The following NFIB variants were observed in gnomAD, a reference collection of about 807,000 sequenced individuals.
The protein encoded by NFIB is nuclear factor I B.
NFIB carries 11 observed loss-of-function variants against 61.5 expected under a neutral mutation model. The ratio of observed to expected loss-of-function variants is 0.18; its 90% CI spans 0.11 to 0.30. The LOEUF (loss-of-function observed/expected upper bound fraction) is 0.30, where lower values mean the gene tolerates loss of function less well. Ranked by LOEUF, NFIB falls within the 10% of genes least tolerant of loss-of-function variation. The pLI is 1.00. For synonymous variants in NFIB, 260 were observed against 216.5 expected, an observed-to-expected ratio of 1.20 and a Z score of -1.76; for missense variants, 471 against 608.9, an observed-to-expected ratio of 0.77 and a Z score of 2.38.
intron 10 of NFIB, 56 bp downstream of exon 10, chr9:14,112,943 G>A: frequency 6.6e-6 from 10 of 1,509,174 alleles, no homozygotes; most frequent in Non-Finnish European, 9.0e-6. Context: ...GCAACATGGA[G>A]AAGCACGGAA....
chr9:14,451,164 G>C, the NFIB span, among the ~76,000 whole-genome samples: 5 of 152,192 alleles, frequency 3.3e-5, no homozygotes, highest in African/African-American at 1.2e-4. Context: ...TACCCTCCCA[G>C]TGGGACACCA....
chr9:14,146,213 T>C (rs1420410833), intron 6 of NFIB, among the ~76,000 whole-genome samples: 1 of 152,152 alleles, frequency 6.6e-6, no homozygotes, highest in Admixed American at 6.5e-5. Context: ...ACACAAAGTA[T>C]CTTACATTAC....
chr9:14,383,967 C>A (rs2061519966), intron 1 of NFIB, among the ~76,000 whole-genome samples: 1 of 152,170 alleles, frequency 6.6e-6, no homozygotes, highest in Admixed American at 6.5e-5. Context: ...TATAGGAGGG[C>A]ATGTGGCCAA....
At chr9:14,508,096 T>A in the NFIB span, among the ~76,000 whole-genome samples, 1 of 150,802 alleles carries the variant, frequency 6.6e-6, no homozygotes, top group Non-Finnish European at 1.5e-5. Context: ...TATTAATATA[T>A]AAATATACAT....
At chr9:14,314,615 A>T (rs2132769867), upstream of NFIB, 1 of 151,652 alleles carries the variant, frequency 6.6e-6, no homozygotes, top group Admixed American at 6.6e-5. Context: ...GGATTGTTTT[A>T]TTATTTAATT....
the NFIB span, among the ~76,000 whole-genome samples, chr9:14,462,342 G>A: frequency 6.6e-6 from 1 of 151,390 alleles, no homozygotes; most frequent in Non-Finnish European, 1.5e-5. Context: ...GAGTGCAGTG[G>A]CGCGATCTTG....
intron 6 of NFIB, among the ~76,000 whole-genome samples, chr9:14,129,831 A>C (rs1030515163): frequency 6.6e-6 from 1 of 152,226 alleles, no homozygotes; most frequent in African/African-American, 2.4e-5. Flanking sequence ...TGCATACATA[A>C]TAATGCATAA....
intron 2 of NFIB, among the ~76,000 whole-genome samples, chr9:14,196,945 T>G (rs2048536932): frequency 1.3e-5 from 2 of 152,254 alleles, no homozygotes; most frequent in South Asian, 4.1e-4. Context: ...TAAGACAACT[T>G]GGCAGTTTGA....
intron 2 of NFIB, among the ~76,000 whole-genome samples, chr9:14,180,028 T>G (rs1316877423): frequency 6.6e-6 from 1 of 152,204 alleles, no homozygotes; most frequent in African/African-American, 2.4e-5. Flanking sequence ...AGAGCAAGGT[T>G]TTTTTGAAAC....
At chr9:14,411,880 A>C in the NFIB span, among the ~76,000 whole-genome samples, 1 of 152,114 alleles carries the variant, frequency 6.6e-6, no homozygotes, top group Non-Finnish European at 1.5e-5. Context: ...CCCTCTCTCT[A>C]AGGTTGCTTG....
chr9:14,303,936 T>C (rs558544251), intron 2 of NFIB, among the ~76,000 whole-genome samples: 2 of 152,338 alleles, frequency 1.3e-5, no homozygotes, highest in African/African-American at 2.4e-5. Context: ...TTTAATTTTA[T>C]AAACAACTAT....
At chr9:14,160,621 A>C (rs1362943190) in intron 3 of NFIB, among the ~76,000 whole-genome samples, 1 of 152,146 alleles carries the variant, frequency 6.6e-6, no homozygotes, top group Non-Finnish European at 1.5e-5. Flanking sequence ...GAAATTTTGC[A>C]AAGGTAGCAT....
At chr9:14,488,654 G>T in the NFIB span, among the ~76,000 whole-genome samples, 4 of 152,104 alleles carry the variant, frequency 2.6e-5, no homozygotes, top group Non-Finnish European at 4.4e-5. Context: ...TGAAGCAAGG[G>T]CCACGTACTC....
intron 1 of NFIB, among the ~76,000 whole-genome samples, chr9:14,327,685 T>A (rs141385767): frequency 2.0e-5 from 3 of 152,308 alleles, no homozygotes; most frequent in Admixed American, 6.5e-5. Flanking sequence ...CAACCTGTGG[T>A]TTTCTGCTCA....
chr9:14,426,381 C>T, the NFIB span, among the ~76,000 whole-genome samples: 1 of 152,150 alleles, frequency 6.6e-6, no homozygotes, highest in African/African-American at 2.4e-5. Context: ...TTTATGATGA[C>T]ACATTTTGTT....
chr9:14,285,872 A>G (rs1282140620), intron 2 of NFIB, among the ~76,000 whole-genome samples: 1 of 151,550 alleles, frequency 6.6e-6, no homozygotes, highest in Non-Finnish European at 1.5e-5. Flanking sequence ...TAAGATTGGT[A>G]TTATCTCCAT....
rs139714248 is a variant in NFIB, at chr9:14,209,271, C to T, written c.563-29491G>A. ...TAAGCTGGTATTTCTTTAAAGTTCA[C>T]GTAATTGCACTACTGGTAACTTTAG... On this transcript the variant is annotated intron_variant, in intron 2 of 10. Transcript: ENST00000380953. 0.011 allele frequency among the ~76,000 whole-genome samples: 1,667 copies of T among 152,252 alleles called. 37 individuals carry two copies. In the South Asian group the frequency reaches 0.12, roughly 11 times the overall value.
At chr9:14,124,201 T>C (rs1021729876) in intron 7 of NFIB, among the ~76,000 whole-genome samples, 1 of 152,208 alleles carries the variant, frequency 6.6e-6, no homozygotes, top group African/African-American at 2.4e-5. Context: ...AAAAATATAC[T>C]GTCTACTTTT....
the NFIB span, among the ~76,000 whole-genome samples, chr9:14,418,225 C>G: frequency 2.6e-5 from 4 of 152,078 alleles, no homozygotes; most frequent in Non-Finnish European, 5.9e-5. Context: ...CACCCTCAAC[C>G]CCACATTTCA....
Sources: gnomAD v4.1 joint callset for allele counts (sites outside exome capture counted in the v4.1 genomes callset) on GRCh38, gnomAD v4.1.1 for gene constraint, MANE v1.5 for transcripts, NCBI Gene and HGNC (gene_info 2026-07-23, HGNC 2026-07-21) for gene names.